The following DCC variants were observed in gnomAD, a reference collection of about 807,000 sequenced individuals.
DCC encodes DCC netrin 1 receptor, also known as netrin receptor DCC.
In DCC, 58 loss-of-function variants were observed where a neutral mutation model predicts 172.5. That is an observed-to-expected ratio of 0.34 (90% confidence interval 0.27 to 0.42). The LOEUF is 0.42. Ranked by LOEUF, DCC falls within the 10% of genes least tolerant of loss-of-function variation. DCC has a pLI of 1.00. For synonymous variants in DCC, 709 were observed against 644.5 expected (o/e 1.10, Z -1.52); for missense variants, 1,740 against 1,791.0 (o/e 0.97, Z 0.51).
chr18:52,951,771 A>T (rs1361636238), intron 5 of DCC, among the ~76,000 whole-genome samples: 1 of 152,210 alleles, frequency 6.6e-6, no homozygotes, highest in Non-Finnish European at 1.5e-5. Flanking sequence ...ATGTAGTTAG[A>T]TCTCCAATAG....
chr18:52,625,403 C>T (rs1045286901), intron 1 of DCC, among the ~76,000 whole-genome samples: 3 of 152,110 alleles, frequency 2.0e-5, no homozygotes, highest in Non-Finnish European at 4.4e-5. Context: ...ATTATCCTGT[C>T]CTTGTATTCT....
chr18:53,227,106 C>G (rs952653550), intron 12 of DCC, among the ~76,000 whole-genome samples: 1 of 150,404 alleles, frequency 6.6e-6, no homozygotes. Flanking sequence ...GTGCCACCAC[C>G]CTAGCTAATT....
chr18:52,969,193 C>G (rs1873731388), intron 5 of DCC, among the ~76,000 whole-genome samples: 1 of 152,120 alleles, frequency 6.6e-6, no homozygotes. Context: ...ACTTCCAAAT[C>G]TCTCCCACCA....
intron 13 of DCC, 86 bp downstream of exon 13, chr18:53,305,805 T>C (rs1157338026): frequency 1.3e-5 from 19 of 1,416,800 alleles, no homozygotes; most frequent in African/African-American, 5.6e-5. Flanking sequence ...CAAAGGAACA[T>C]TGATTTTCTT....
chr18:53,235,806 C>A (rs1461475862), intron 12 of DCC, among the ~76,000 whole-genome samples: 1 of 152,100 alleles, frequency 6.6e-6, no homozygotes, highest in African/African-American at 2.4e-5. Context: ...AAACTGGTAA[C>A]CACTATTCTA....
intron 1 of DCC, among the ~76,000 whole-genome samples, chr18:52,573,184 TTAA>T (rs1235991793): frequency 1.3e-5 from 2 of 152,150 alleles, no homozygotes; most frequent in East Asian, 1.9e-4. Context: ...TCTTGTATGG[TTAA>T]TAATACTTGA....
At chr18:52,633,420 G>A (rs996983403) in intron 1 of DCC, among the ~76,000 whole-genome samples, 1 of 152,092 alleles carries the variant, frequency 6.6e-6, no homozygotes, top group African/African-American at 2.4e-5. Flanking sequence ...GGCAGATCCT[G>A]GGCTGAAAAT....
intron 1 of DCC, among the ~76,000 whole-genome samples, chr18:52,605,217 C>G (rs544588190): frequency 6.6e-6 from 1 of 152,048 alleles, no homozygotes; most frequent in East Asian, 1.9e-4. Context: ...AACAATTAAG[C>G]ACTAGATTGG....
intron 13 of DCC, among the ~76,000 whole-genome samples, chr18:53,307,889 GTGTGTATGTATATATA>G (rs1172690372): frequency 0.019 from 712 of 38,038 alleles, 32 homozygotes; most frequent in African/African-American, 0.04. Flanking sequence ...AAAGCAATGT[GTGTGTATGTATATATA>G]TATATATATA....
chr18:52,714,107 G>T (rs1248397397), intron 1 of DCC, among the ~76,000 whole-genome samples: 1 of 152,106 alleles, frequency 6.6e-6, no homozygotes, highest in Non-Finnish European at 1.5e-5. Flanking sequence ...TATGACAAAT[G>T]CTATGACTAT....
rs1568364951 is a variant in DCC at position 53,206,334 on chromosome 18, TATATGTATATATGTATATATA to T, written c.1722+971_1722+991del. ...ATATACATATATGTATTGTAACACATATATGTATATATGTATATATACATATATGTATTGTAACACATATAT... is the reference window on the plus strand; with the variant it reads ...ATATACATATATGTATTGTAACACATCATATATGTATTGTAACACATATAT... On this transcript the variant is annotated intron_variant, in intron 10 of 28. Coordinates refer to ENST00000442544, the MANE Select transcript of DCC (RefSeq NM_005215.4). 5.0e-3 allele frequency among the ~76,000 whole-genome samples: 263 copies of T among 52,660 alleles called. 6 individuals carry two copies. The highest frequency in any genetic ancestry group is 0.018 in the African/African-American group (250 of 13,842). The allele number at this position is 52,660 out of a possible 152,430, so 34.5% of individuals were successfully genotyped here. A position where few individuals can be genotyped will look rare whatever the true frequency, so the allele number is the denominator to read the frequency against.
At chr18:52,513,964 G>C (rs939460602) in intron 1 of DCC, among the ~76,000 whole-genome samples, 1 of 152,132 alleles carries the variant, frequency 6.6e-6, no homozygotes, top group African/African-American at 2.4e-5. Flanking sequence ...GGTATCATCT[G>C]TTCCTATTGC....
chr18:53,451,739 C>CCA (rs2045417299), intron 23 of DCC, among the ~76,000 whole-genome samples: 1 of 151,496 alleles, frequency 6.6e-6, no homozygotes, highest in African/African-American at 2.4e-5. Context: ...CTCTCCATCT[C>CCA]TCTCTCTCTC....
chr18:52,928,789 A>C (rs879381307), intron 5 of DCC, among the ~76,000 whole-genome samples: 5 of 152,120 alleles, frequency 3.3e-5, no homozygotes, highest in Admixed American at 6.5e-5. Context: ...CATCACCTTA[A>C]TTTGTTGAAG....
chr18:53,289,171 A>T (rs923024546), intron 12 of DCC, among the ~76,000 whole-genome samples: 1 of 152,002 alleles, frequency 6.6e-6, no homozygotes. Flanking sequence ...AAAAGATTTG[A>T]TATTTATTCC....
intron 5 of DCC, among the ~76,000 whole-genome samples, chr18:52,954,795 T>C (rs2040715172): frequency 6.6e-6 from 1 of 152,216 alleles, no homozygotes; most frequent in Non-Finnish European, 1.5e-5. Context: ...AAATTCATTA[T>C]AGAGAGGAGT....
chr18:53,261,069 G>A (rs2056591975), intron 12 of DCC, among the ~76,000 whole-genome samples: 1 of 152,168 alleles, frequency 6.6e-6, no homozygotes. Flanking sequence ...GTATTAGGGT[G>A]GGAGTGACCC....
chr18:53,353,695 T>C (rs2057839834), intron 15 of DCC, among the ~76,000 whole-genome samples: 1 of 152,224 alleles, frequency 6.6e-6, no homozygotes, highest in African/African-American at 2.4e-5. Context: ...TTATTTTCTT[T>C]CTGTATTTTT....
At chr18:52,822,381 A>G (rs1389205491) in intron 2 of DCC, among the ~76,000 whole-genome samples, 1 of 152,194 alleles carries the variant, frequency 6.6e-6, no homozygotes, top group African/African-American at 2.4e-5. Flanking sequence ...CCAGCTATTG[A>G]CCTAAATAAT....
Sources: gnomAD v4.1 joint callset for allele counts (sites outside exome capture counted in the v4.1 genomes callset) on GRCh38, gnomAD v4.1.1 for gene constraint, MANE v1.5 for transcripts, NCBI Gene and HGNC (gene_info 2026-07-23, HGNC 2026-07-21) for gene names.